TENM3: variants seen among roughly 807,000 people sequenced by gnomAD.
The protein encoded by TENM3 is teneurin transmembrane protein 3.
Under a neutral mutation model 255.1 loss-of-function variants are expected in TENM3, and 63 were observed. The ratio of observed to expected loss-of-function variants is 0.25; its 90% CI spans 0.20 to 0.30. The LOEUF (loss-of-function observed/expected upper bound fraction) is 0.30, where lower values mean the gene tolerates loss of function less well. TENM3 is among the 10% of genes least tolerant of loss of function. The pLI is 1.00. For synonymous variants in TENM3, 1,306 were observed against 1,322.3 expected (o/e 0.99, Z 0.27); for missense variants, 2,929 against 3,461.1 (o/e 0.85, Z 3.86).
the TENM3 span, among the ~76,000 whole-genome samples, chr4:181,948,468 T>C: frequency 6.6e-6 from 1 of 152,104 alleles, no homozygotes; most frequent in African/African-American, 2.4e-5. Flanking sequence ...CAGGCTGGAG[T>C]TCAGTGGTGC....
intron 9 of TENM3, 70 bp from the exon 10 acceptor site, chr4:182,680,473 A>G: frequency 1.3e-6 from 2 of 1,556,808 alleles, no homozygotes; most frequent in Non-Finnish European, 1.8e-6. Context: ...TGTTCCAGCG[A>G]TGTGTCTTTT....
At chr4:182,237,878 A>G (rs1488025989) in intron 1 of TENM3, among the ~76,000 whole-genome samples, 4 of 152,202 alleles carry the variant, frequency 2.6e-5, no homozygotes, top group Non-Finnish European at 5.9e-5. Context: ...TAGGATACAT[A>G]TAAGAGATTG....
the TENM3 span, among the ~76,000 whole-genome samples, chr4:181,890,507 A>G: frequency 1.5e-5 from 2 of 134,284 alleles, no homozygotes; most frequent in African/African-American, 2.6e-5. Context: ...AGCTTTATAT[A>G]TAGGAATTAT....
chr4:182,359,237 A>G (rs898016299), intron 3 of TENM3, among the ~76,000 whole-genome samples: 2 of 152,186 alleles, frequency 1.3e-5, no homozygotes, highest in African/African-American at 2.4e-5. Flanking sequence ...GCCTCATAAA[A>G]TGAGTTAGGG....
At chr4:182,488,791 A>G (rs1173875336) in intron 3 of TENM3, among the ~76,000 whole-genome samples, 1 of 152,130 alleles carries the variant, frequency 6.6e-6, no homozygotes, top group Non-Finnish European at 1.5e-5. Flanking sequence ...GTAATAGGTA[A>G]TGTAATTTAC....
intron 3 of TENM3, among the ~76,000 whole-genome samples, chr4:182,529,041 T>C (rs1739511843): frequency 6.6e-6 from 1 of 151,986 alleles, no homozygotes; most frequent in Admixed American, 6.5e-5. Context: ...CGGTAACAAA[T>C]TTTTGTGATT....
chr4:182,135,000 G>C, the TENM3 span, among the ~76,000 whole-genome samples: 1 of 151,868 alleles, frequency 6.6e-6, no homozygotes, highest in African/African-American at 2.4e-5. Context: ...GAGGTCAGGA[G>C]ATTGAGACCA....
At chr4:182,261,634 G>C (rs1438125426) in intron 1 of TENM3, among the ~76,000 whole-genome samples, 1 of 152,198 alleles carries the variant, frequency 6.6e-6, no homozygotes, top group Non-Finnish European at 1.5e-5. Flanking sequence ...AAGACTACTT[G>C]CAAAAATTTG....
the TENM3 span, among the ~76,000 whole-genome samples, chr4:181,905,473 C>T: frequency 6.6e-6 from 1 of 151,382 alleles, no homozygotes; most frequent in East Asian, 1.9e-4. Context: ...GATTTCCTAA[C>T]ATCACACATG....
the TENM3 span, among the ~76,000 whole-genome samples, chr4:181,539,497 A>G: frequency 1.3e-5 from 2 of 152,206 alleles, no homozygotes; most frequent in Admixed American, 6.5e-5. Context: ...TAATGAGATG[A>G]GTGTTTTCCA....
At chr4:182,183,537 G>C (rs1035812576) in intron 1 of TENM3, among the ~76,000 whole-genome samples, 1 of 152,168 alleles carries the variant, frequency 6.6e-6, no homozygotes, top group African/African-American at 2.4e-5. Flanking sequence ...CTCCAGGAAT[G>C]ATAAGGAATG....
chr4:181,841,388 A>T, the TENM3 span, among the ~76,000 whole-genome samples: 1 of 152,122 alleles, frequency 6.6e-6, no homozygotes, highest in Non-Finnish European at 1.5e-5. Flanking sequence ...GTAATTAAAC[A>T]TGCCTATTTC....
the TENM3 span, among the ~76,000 whole-genome samples, chr4:182,124,124 G>A: frequency 1.3e-5 from 2 of 152,004 alleles, no homozygotes; most frequent in Admixed American, 6.6e-5. Context: ...TGATCTCGGT[G>A]CACTGCAACC....
chr4:182,180,637 C>CTT (rs1174130013), intron 1 of TENM3, among the ~76,000 whole-genome samples: 2 of 142,252 alleles, frequency 1.4e-5, no homozygotes, highest in Non-Finnish European at 3.1e-5. Flanking sequence ...TATTGTTTCT[C>CTT]TTTTTTTTTT....
chr4:181,570,234 A>G, the TENM3 span, among the ~76,000 whole-genome samples: 1 of 151,908 alleles, frequency 6.6e-6, no homozygotes, highest in African/African-American at 2.4e-5. Flanking sequence ...TTTAGTAGAG[A>G]CGGGGTTTCA....
intron 22 of TENM3, among the ~76,000 whole-genome samples, chr4:182,772,014 C>T (rs765197295): frequency 3.3e-5 from 5 of 152,218 alleles, no homozygotes; most frequent in South Asian, 2.1e-4. Context: ...CTGTCCCCAC[C>T]GAATTAATGG....
chr4:182,312,879 G>C (rs912997747), intron 1 of TENM3, among the ~76,000 whole-genome samples: 7 of 152,154 alleles, frequency 4.6e-5, no homozygotes, highest in African/African-American at 1.7e-4. Flanking sequence ...TCTATTCTAA[G>C]TATAGAAATT....
the TENM3 span, among the ~76,000 whole-genome samples, chr4:181,662,823 A>C: frequency 1.3e-5 from 2 of 152,154 alleles, no homozygotes; most frequent in Admixed American, 1.3e-4. Context: ...TAGGATTACT[A>C]TTTTACCCTC....
chr4:181,719,200 G>A, the TENM3 span, among the ~76,000 whole-genome samples: 6 of 142,436 alleles, frequency 4.2e-5, no homozygotes, highest in South Asian at 2.2e-4. Flanking sequence ...GCGACAGAGC[G>A]AGACTCCGTC....
Sources: allele counts gnomAD v4.1 joint callset (sites outside exome capture counted in the v4.1 genomes callset), GRCh38; gene constraint gnomAD v4.1.1; transcripts MANE v1.5; gene names NCBI Gene and HGNC (gene_info 2026-07-23, HGNC 2026-07-21).